Variants in EYA2 observed in about 807,000 individuals in gnomAD.
The protein encoded by EYA2 is EYA transcriptional coactivator and phosphatase 2.
In EYA2, 31 loss-of-function variants were observed where a neutral mutation model predicts 69.2. That is an observed-to-expected ratio of 0.45 (90% CI 0.34 to 0.60). The LOEUF (loss-of-function observed/expected upper bound fraction) is 0.60, where lower values mean the gene tolerates loss of function less well. EYA2 is among the 20% of genes least tolerant of loss of function. EYA2 has a pLI of 0.02. For synonymous variants in EYA2, 257 were observed against 279.4 expected (o/e 0.92, Z 0.80); for missense variants, 622 against 701.2 (o/e 0.89, Z 1.28).
chr20:47,040,175 ATGCTTGGTG>A (rs1984973809), intron 5 of EYA2, among the ~76,000 whole-genome samples: 1 of 152,200 alleles, frequency 6.6e-6, no homozygotes, highest in Admixed American at 6.5e-5. Flanking sequence ...ATGTTTAGCC[ATGCTTGGTG>A]AGACTGCACC....
At chr20:47,078,102 T>C (rs564298370) in intron 7 of EYA2, among the ~76,000 whole-genome samples, 1 of 152,346 alleles carries the variant, frequency 6.6e-6, no homozygotes, top group African/African-American at 2.4e-5. Context: ...CATTGTGTCT[T>C]TGAAATTTTT....
intron 1 of EYA2, among the ~76,000 whole-genome samples, chr20:46,923,103 A>G (rs762501757): frequency 2.0e-5 from 3 of 152,172 alleles, no homozygotes; most frequent in Non-Finnish European, 4.4e-5. Flanking sequence ...CACGGTGGCT[A>G]GTGCCTGTAA....
intron 10 of EYA2, among the ~76,000 whole-genome samples, chr20:47,147,736 AG>A (rs2033731356): frequency 6.6e-6 from 1 of 152,114 alleles, no homozygotes; most frequent in Middle Eastern, 3.2e-3. Flanking sequence ...CCAGACTCCC[AG>A]GGGAAAGAAT....
intron 5 of EYA2, 38 bp downstream of exon 5, chr20:47,016,335 A>G (rs757793194): frequency 1.3e-6 from 2 of 1,506,028 alleles, no homozygotes; most frequent in Non-Finnish European, 1.8e-6. Flanking sequence ...GCCCATCTCT[A>G]AGGACCACCT....
intron 1 of EYA2, among the ~76,000 whole-genome samples, chr20:46,949,450 G>A (rs1370885813): frequency 1.3e-5 from 2 of 152,190 alleles, no homozygotes; most frequent in African/African-American, 2.4e-5. Flanking sequence ...AACTGGTTCA[G>A]CAAGTAAAGA....
intron 9 of EYA2, among the ~76,000 whole-genome samples, chr20:47,120,503 C>A (rs915827790): frequency 2.0e-5 from 3 of 152,206 alleles, no homozygotes; most frequent in African/African-American, 7.2e-5. Context: ...TTGGTATGTG[C>A]TGCCATAGCC....
intron 1 of EYA2, among the ~76,000 whole-genome samples, chr20:46,965,588 G>C (rs544328289): frequency 6.6e-6 from 1 of 152,228 alleles, no homozygotes; most frequent in Non-Finnish European, 1.5e-5. Flanking sequence ...TGACCTAAGC[G>C]TGCCTTCTTC....
chr20:46,963,608 C>G (rs1182637492), intron 1 of EYA2, among the ~76,000 whole-genome samples: 1 of 152,190 alleles, frequency 6.6e-6, no homozygotes, highest in South Asian at 2.1e-4. Flanking sequence ...ATGACAATGT[C>G]CAGGCCTTAT....
At chr20:47,005,446 G>A (rs1982647319) in intron 4 of EYA2, among the ~76,000 whole-genome samples, 1 of 152,220 alleles carries the variant, frequency 6.6e-6, no homozygotes, top group East Asian at 1.9e-4. Context: ...CTCCCAGCAA[G>A]TTCTCCCTGC....
rs917944453 is a variant in EYA2, at chr20:46,933,645, G to A, written c.-11+38658G>A. Among the ~76,000 whole-genome samples, 5 of 152,318 alleles carry A rather than the reference G, an allele frequency of 3.3e-5. 1 individual carries two copies. In the South Asian group the frequency reaches 6.2e-4, roughly 19 times the overall value. ...ACCAAAGTGGGGCAAGATGGAAAGC[G>A]CCAAGTCTCACTAGAACGAGGGAGG... On this transcript the variant is annotated intron_variant, in intron 1 of 15. Transcript: ENST00000327619.
chr20:47,019,787 T>C (rs1370084597), intron 5 of EYA2, among the ~76,000 whole-genome samples: 1 of 146,978 alleles, frequency 6.8e-6, no homozygotes, highest in African/African-American at 2.5e-5. Flanking sequence ...CTGGGAAACC[T>C]GGTGAAACCC....
intron 1 of EYA2, chr20:46,978,626 G>A (rs766222632): frequency 5.6e-6 from 3 of 534,712 alleles, no homozygotes; most frequent in Non-Finnish European, 1.2e-5. Context: ...GAGGTTATAA[G>A]CAAGGATGAG....
At chr20:46,947,811 A>G (rs1009771189) in intron 1 of EYA2, among the ~76,000 whole-genome samples, 15 of 152,204 alleles carry the variant, frequency 9.9e-5, no homozygotes, top group African/African-American at 2.4e-5. Context: ...TATTTGGTCA[A>G]CAGCATTAAG....
At chr20:47,116,334 C>T (rs1221438449) in intron 9 of EYA2, among the ~76,000 whole-genome samples, 3 of 151,932 alleles carry the variant, frequency 2.0e-5, no homozygotes, top group Non-Finnish European at 2.9e-5. Flanking sequence ...CCTGCCAATA[C>T]GCCTAGCTAA....
chr20:47,001,822 C>T, intron 3 of EYA2, among the ~76,000 whole-genome samples: 1 of 150,298 alleles, frequency 6.7e-6, no homozygotes, highest in East Asian at 1.9e-4. Context: ...TTCTCCCCTT[C>T]CTCTGCTTTC....
chr20:47,051,761 T>C (rs920831357), intron 5 of EYA2, among the ~76,000 whole-genome samples: 1 of 152,208 alleles, frequency 6.6e-6, no homozygotes, highest in Admixed American at 6.5e-5. Context: ...ATTTCATCAG[T>C]ATCCTGCTTA....
At chr20:47,155,438 T>C (rs1371819592) in intron 10 of EYA2, among the ~76,000 whole-genome samples, 1 of 151,910 alleles carries the variant, frequency 6.6e-6, no homozygotes, top group Admixed American at 6.5e-5. Flanking sequence ...AGCTAGTGTG[T>C]CCTGCATGCG....
intron 10 of EYA2, among the ~76,000 whole-genome samples, chr20:47,155,803 GTCTA>G (rs2033910914): frequency 1.3e-5 from 2 of 151,564 alleles, no homozygotes; most frequent in Non-Finnish European, 2.9e-5. Flanking sequence ...CTCTGCTAAT[GTCTA>G]TCTTTCATGG....
intron 3 of EYA2, among the ~76,000 whole-genome samples, chr20:47,001,753 C>G (rs189419429): frequency 1.3e-5 from 2 of 151,278 alleles, no homozygotes; most frequent in African/African-American, 4.9e-5. Flanking sequence ...TCCTCAGAGT[C>G]TTAGCTATTA....
Sources: allele counts gnomAD v4.1 joint callset (sites outside exome capture counted in the v4.1 genomes callset), GRCh38; gene constraint gnomAD v4.1.1; transcripts MANE v1.5; gene names NCBI Gene and HGNC (gene_info 2026-07-23, HGNC 2026-07-21).